RUFY2: variants seen among roughly 807,000 people sequenced by gnomAD.
RUFY2 encodes RUN and FYVE domain containing 2, also known as RUN and FYVE domain-containing protein 2.
RUFY2 carries 49 observed loss-of-function variants against 94.4 expected under a neutral mutation model. The ratio of observed to expected loss-of-function variants is 0.52; its 90% CI spans 0.41 to 0.66. The LOEUF (loss-of-function observed/expected upper bound fraction) is 0.66. Among genes scored for constraint, RUFY2 ranks in the 30% least tolerant of loss-of-function variants. The pLI is 0.00. For synonymous variants in RUFY2, 255 were observed against 235.7 expected, an observed-to-expected ratio of 1.08 and a Z score of -0.75; for missense variants, 541 against 692.8, an observed-to-expected ratio of 0.78 and a Z score of 2.46.
At chr10:68,374,554 C>G (rs924238402) in intron 13 of RUFY2, among the ~76,000 whole-genome samples, 2 of 152,014 alleles carry the variant, frequency 1.3e-5, no homozygotes, top group Non-Finnish European at 2.9e-5. Flanking sequence ...ATATATTTAC[C>G]AATCCACAAT....
At chr10:68,368,962 C>T (rs1337410730) in intron 13 of RUFY2, among the ~76,000 whole-genome samples, 6 of 152,092 alleles carry the variant, frequency 3.9e-5, no homozygotes, top group Non-Finnish European at 8.8e-5. Flanking sequence ...AACCCATGCC[C>T]CCGCAACAAA....
intron 12 of RUFY2, chr10:68,377,225 A>G: frequency 2.3e-6 from 3 of 1,323,752 alleles, no homozygotes; most frequent in Non-Finnish European, 2.9e-6. Flanking sequence ...TTTCTTGTTC[A>G]TAATTAACAG....
downstream of RUFY2, chr10:68,343,198 G>A (rs955252894): frequency 1.3e-5 from 2 of 152,142 alleles, no homozygotes; most frequent in Non-Finnish European, 2.9e-5. Flanking sequence ...ATAATAGTAT[G>A]GCGTCTGTCC....
chr10:68,372,056 T>A (rs1443027617), intron 13 of RUFY2, among the ~76,000 whole-genome samples: 1 of 152,100 alleles, frequency 6.6e-6, no homozygotes, highest in Non-Finnish European at 1.5e-5. Context: ...CTGAGTAGGT[T>A]TATTTGAGGC....
In RUFY2 at chr10:68,343,508, T is replaced by TA. The variant is rs1224275370; in HGVS notation, c.*2259dup. ...ATTAATGAAACCAAAATTGCCCTTT[T>TA]AAAGCAGGCTAATTTTCCAAATATT... is the stretch of plus-strand genomic sequence containing the variant. On this transcript the variant is annotated 3_prime_UTR_variant, in exon 18 of 18. Transcript: ENST00000602465. The TA allele has an allele frequency of 6.6e-6, 1 of 152,606 alleles. No homozygotes were observed. The highest frequency in any genetic ancestry group is 1.5e-5 in the Non-Finnish European group (1 of 68,004). 9.5% of individuals were successfully genotyped at this position (152,606 alleles called of 1,614,324 possible).
In RUFY2 at chr10:68,401,658, C is replaced by T; in HGVS notation, c.258G>A (p.Glu86=). Residue 86 remains glutamate, a synonymous_variant, in exon 3 of 18, where the codon GAG becomes GAA. Coordinates refer to ENST00000602465, the MANE Select transcript of RUFY2 (RefSeq NM_001330103.2). The part of the protein sequence containing the change: ...ELVEKLYPEA[E]EIGASVRDLP... ...GATCCCGGACACTAGCTCCTATTTCCTCTGCTTCGGGGTACAGCTTCTCCA... is the reference window on the plus strand; with the variant it reads ...GATCCCGGACACTAGCTCCTATTTCTTCTGCTTCGGGGTACAGCTTCTCCA... 6.2e-7 allele frequency: 1 copy of T among 1,613,928 alleles called. No individual in the cohort carries two copies.
intron 8 of RUFY2, among the ~76,000 whole-genome samples, chr10:68,384,393 A>C (rs1335154526): frequency 3.9e-5 from 6 of 152,182 alleles, no homozygotes; most frequent in Non-Finnish European, 2.9e-5. Context: ...TAGTTGAAAC[A>C]CATTAGGCTT....
At chr10:68,365,762 C>A (rs2047763184) in intron 13 of RUFY2, among the ~76,000 whole-genome samples, 1 of 151,948 alleles carries the variant, frequency 6.6e-6, no homozygotes, top group South Asian at 2.1e-4. Context: ...AAACTGGTTT[C>A]ATTTAGCATC....
intron 13 of RUFY2, among the ~76,000 whole-genome samples, chr10:68,371,794 A>G (rs754373265): frequency 6.6e-6 from 1 of 152,208 alleles, no homozygotes; most frequent in South Asian, 2.1e-4. Context: ...GCAGTAAGAC[A>G]GAAATGACAT....
intron 15 of RUFY2, among the ~76,000 whole-genome samples, chr10:68,360,985 T>C (rs116223111): frequency 0.028 from 4,319 of 151,768 alleles, 210 homozygotes; most frequent in African/African-American, 0.099. Flanking sequence ...AAGTCTCTAT[T>C]AAGTATGAAG....
At chr10:68,404,524 CATAAG>C (rs1315341354) in intron 2 of RUFY2, 142 bp downstream of exon 2, 7 of 448,426 alleles carry the variant, frequency 1.6e-5, no homozygotes, top group African/African-American at 8.1e-5. Flanking sequence ...AAAACATAGT[CATAAG>C]ATATTTTCTC....
At chr10:68,363,168 T>TTTTTG (rs1459317209) in intron 15 of RUFY2, among the ~76,000 whole-genome samples, 3 of 152,026 alleles carry the variant, frequency 2.0e-5, no homozygotes, top group African/African-American at 7.2e-5. Flanking sequence ...ATCTTTAGAG[T>TTTTTG]TTTTGTTTTG....
intron 13 of RUFY2, among the ~76,000 whole-genome samples, chr10:68,372,638 C>G (rs2132626623): frequency 6.6e-6 from 1 of 150,934 alleles, no homozygotes; most frequent in South Asian, 2.1e-4. Flanking sequence ...GGCTGTAATC[C>G]CAGCACTTTG....
At chr10:68,363,503 A>C in intron 15 of RUFY2, 87 bp downstream of exon 15, 1 of 839,782 alleles carries the variant, frequency 1.2e-6, no homozygotes, top group Non-Finnish European at 1.8e-6. Context: ...TCCTATATTT[A>C]AACTCTTCTG....
intron 15 of RUFY2, among the ~76,000 whole-genome samples, chr10:68,363,283 T>C (rs1335385819): frequency 6.6e-6 from 1 of 152,160 alleles, no homozygotes; most frequent in Non-Finnish European, 1.5e-5. Flanking sequence ...TTCAAGCGAT[T>C]CTCATGCCTC....
chr10:68,394,311 T>G lies in RUFY2; in HGVS notation c.522+17A>C. On this transcript the variant is annotated intron_variant, in intron 5 of 17. Transcript: ENST00000602465. ...ACTGAAAACACTCTGCATTTGGCAC[T>G]AGTCACTTTCACTTACTTGTGAGTC... is the stretch of plus-strand genomic sequence containing the variant. 1 of 1,613,852 alleles carries G rather than the reference T, an allele frequency of 6.2e-7. No homozygotes were observed. The highest frequency in any genetic ancestry group is 8.5e-7 in the Non-Finnish European group (1 of 1,179,818).
intron 7 of RUFY2, 62 bp downstream of exon 7, chr10:68,393,076 A>T (rs1232046322): frequency 4.6e-6 from 4 of 862,698 alleles, no homozygotes; most frequent in Non-Finnish European, 7.2e-6. Context: ...GGTAAGCTGA[A>T]GGGAAAAAAA....
intron 8 of RUFY2, among the ~76,000 whole-genome samples, chr10:68,384,838 C>A (rs2049356290): frequency 1.3e-5 from 2 of 152,172 alleles, no homozygotes; most frequent in African/African-American, 4.8e-5. Context: ...CACAGTCCTA[C>A]TAAAGTCAAG....
chr10:68,391,013 C>A (rs531075465), intron 7 of RUFY2, among the ~76,000 whole-genome samples: 40 of 150,566 alleles, frequency 2.7e-4, no homozygotes, highest in African/African-American at 9.8e-4. Context: ...CGGCTCACTG[C>A]AATCTCCACC....
Sources: gnomAD v4.1 joint callset for allele counts (sites outside exome capture counted in the v4.1 genomes callset) on GRCh38, gnomAD v4.1.1 for gene constraint, MANE v1.5 for transcripts, NCBI Gene and HGNC (gene_info 2026-07-23, HGNC 2026-07-21) for gene names.